The following IQCM variants were observed in gnomAD, a reference collection of about 807,000 sequenced individuals.
The protein encoded by IQCM is IQ motif containing M.
In IQCM, 45 loss-of-function variants were observed where a neutral mutation model predicts 57.6. That is an observed-to-expected ratio of 0.78 (90% confidence interval 0.62 to 1.00). The LOEUF (loss-of-function observed/expected upper bound fraction) is 1.00. IQCM is among the 50% of genes least tolerant of loss of function. IQCM has a pLI of 0.00. For missense variants in IQCM, 468 were observed against 511.6 expected (o/e 0.91, Z 0.82); for synonymous variants, 148 against 158.9 (o/e 0.93, Z 0.51).
chr4:149,650,910 G>C (rs1201861334), intron 7 of IQCM, among the ~76,000 whole-genome samples: 3 of 152,162 alleles, frequency 2.0e-5, no homozygotes. Context: ...TTCCTCAAAA[G>C]GTTGTTACAC....
chr4:149,384,263 AC>A (rs979631780), intron 13 of IQCM, among the ~76,000 whole-genome samples: 4 of 152,108 alleles, frequency 2.6e-5, no homozygotes, highest in Non-Finnish European at 1.5e-5. Context: ...TGAATAGGCC[AC>A]CCCAAAACAT....
At chr4:149,593,165 T>C (rs1224876064) in intron 8 of IQCM, among the ~76,000 whole-genome samples, 1 of 152,120 alleles carries the variant, frequency 6.6e-6, no homozygotes, top group Non-Finnish European at 1.5e-5. Context: ...CTTGAAGAGG[T>C]CCTTCATATC....
intron 12 of IQCM, among the ~76,000 whole-genome samples, chr4:149,476,376 A>G (rs1249457066): frequency 6.6e-6 from 1 of 152,196 alleles, no homozygotes; most frequent in African/African-American, 2.4e-5. Context: ...TAGATTCTCC[A>G]TGATGAGTAA....
intron 13 of IQCM, among the ~76,000 whole-genome samples, chr4:149,387,277 A>G (rs1487139926): frequency 3.3e-5 from 5 of 152,002 alleles, no homozygotes; most frequent in Non-Finnish European, 7.4e-5. Context: ...CTTCATCCTC[A>G]TGACCTAATC....
intron 7 of IQCM, among the ~76,000 whole-genome samples, chr4:149,661,979 A>G (rs188922608): frequency 4.0e-5 from 6 of 151,268 alleles, no homozygotes; most frequent in African/African-American, 1.5e-4. Flanking sequence ...CCCTTCTACC[A>G]ATTTTAGGTT....
At chr4:149,395,840 AC>A (rs1157373027) in intron 13 of IQCM, among the ~76,000 whole-genome samples, 1 of 151,938 alleles carries the variant, frequency 6.6e-6, no homozygotes, top group African/African-American at 2.4e-5. Context: ...AATCCTTGTA[AC>A]CCTGAAAACA....
intron 12 of IQCM, among the ~76,000 whole-genome samples, chr4:149,472,267 G>A (rs1163869279): frequency 6.6e-6 from 1 of 152,128 alleles, no homozygotes; most frequent in Non-Finnish European, 1.5e-5. Flanking sequence ...AACAACTTCA[G>A]CAAAGTCTCA....
intron 7 of IQCM, among the ~76,000 whole-genome samples, chr4:149,671,604 T>C (rs1199296058): frequency 6.6e-6 from 1 of 152,214 alleles, no homozygotes; most frequent in Non-Finnish European, 1.5e-5. Flanking sequence ...TGCTTTCTCT[T>C]GTGGGCATTT....
At chr4:149,544,678 T>C (rs10033284) in intron 12 of IQCM, among the ~76,000 whole-genome samples, 82,889 of 151,952 alleles carry the variant, frequency 0.55, 22,886 homozygotes, top group African/African-American at 0.58. Flanking sequence ...AACAGTATGA[T>C]ACAGGCATAA....
At chr4:149,642,654 G>A (rs1247359962) in intron 7 of IQCM, among the ~76,000 whole-genome samples, 1 of 152,078 alleles carries the variant, frequency 6.6e-6, no homozygotes, top group Non-Finnish European at 1.5e-5. Flanking sequence ...ATCCTCATTG[G>A]TTTAAAGTAC....
intron 13 of IQCM, among the ~76,000 whole-genome samples, chr4:149,358,101 T>A (rs1729142649): frequency 6.6e-6 from 1 of 152,192 alleles, no homozygotes; most frequent in Non-Finnish European, 1.5e-5. Context: ...ATCCCCTTTA[T>A]CATTTTTTAT....
intron 5 of IQCM, among the ~76,000 whole-genome samples, chr4:149,729,224 A>T (rs1461578109): frequency 3.3e-5 from 5 of 152,198 alleles, no homozygotes; most frequent in African/African-American, 4.8e-5. Flanking sequence ...CTCTCTGAGA[A>T]GCCTTTTACT....
At chr4:149,755,319 G>T (rs1768859361) in intron 2 of IQCM, among the ~76,000 whole-genome samples, 1 of 152,044 alleles carries the variant, frequency 6.6e-6, no homozygotes, top group Non-Finnish European at 1.5e-5. Flanking sequence ...AGTAAATATA[G>T]AAGTCACCAT....
intron 12 of IQCM, among the ~76,000 whole-genome samples, chr4:149,468,762 C>A (rs1229541750): frequency 1.3e-5 from 2 of 152,122 alleles, no homozygotes; most frequent in Non-Finnish European, 2.9e-5. Context: ...GCCAGGTGCC[C>A]CTCTGAGACA....
At chr4:149,699,781 AT>A (rs1763628939) in intron 5 of IQCM, among the ~76,000 whole-genome samples, 1 of 150,252 alleles carries the variant, frequency 6.7e-6, no homozygotes, top group Non-Finnish European at 1.5e-5. Flanking sequence ...CCCTTGTGCC[AT>A]TTATTTACTT....
At chr4:149,362,131 C>T (rs1293982169) in intron 13 of IQCM, among the ~76,000 whole-genome samples, 1 of 152,094 alleles carries the variant, frequency 6.6e-6, no homozygotes, top group Non-Finnish European at 1.5e-5. Flanking sequence ...TTTGTTTTGG[C>T]CAATTTCTCC....
At chr4:149,433,000 G>A (rs896192331) in intron 13 of IQCM, among the ~76,000 whole-genome samples, 4 of 151,994 alleles carry the variant, frequency 2.6e-5, no homozygotes, top group African/African-American at 9.7e-5. Context: ...TGGAACAAAT[G>A]CAACTCTCAT....
chr4:149,370,045 G>T (rs1206433114), intron 13 of IQCM, among the ~76,000 whole-genome samples: 2 of 152,036 alleles, frequency 1.3e-5, no homozygotes, highest in African/African-American at 4.8e-5. Flanking sequence ...ACAGGCTGGG[G>T]CCACCACGTC....
intron 8 of IQCM, among the ~76,000 whole-genome samples, chr4:149,614,299 G>T (rs1364838020): frequency 2.0e-5 from 3 of 152,114 alleles, no homozygotes; most frequent in African/African-American, 7.2e-5. Context: ...GAGTTAAGAA[G>T]CTATAAAGCG....
Sources: allele counts gnomAD v4.1 joint callset (sites outside exome capture counted in the v4.1 genomes callset), GRCh38; gene constraint gnomAD v4.1.1; transcripts MANE v1.5; gene names NCBI Gene and HGNC (gene_info 2026-07-23, HGNC 2026-07-21).